The following AFAP1L2 variants were observed in gnomAD, a reference collection of about 807,000 sequenced individuals.
AFAP1L2 encodes the protein actin filament associated protein 1 like 2.
A neutral mutation model predicts 99.3 loss-of-function variants in AFAP1L2; 46 were observed. The ratio of observed to expected loss-of-function variants is 0.46; its 90% confidence interval spans 0.37 to 0.59. AFAP1L2 has a LOEUF of 0.59. AFAP1L2 is among the 20% of genes least tolerant of loss of function. The probability of loss-of-function intolerance (pLI) is 0.00; values close to 1 mark genes in which losing one functional copy is unlikely to be tolerated. For missense variants in AFAP1L2, 959 were observed against 1,034.9 expected (o/e 0.93, Z 1.01); for synonymous variants, 397 against 419.1 (o/e 0.95, Z 0.64).
At chr10:114,404,879 C>T, upstream of AFAP1L2, 1 of 173,156 alleles carries the variant, frequency 5.8e-6, no homozygotes, top group Non-Finnish European at 1.2e-5. Flanking sequence ...CACACCCCTG[C>T]CCGCTGCAAA....
intron 1 of AFAP1L2, among the ~76,000 whole-genome samples, chr10:114,379,212 C>CA (rs35288351): frequency 5.5e-4 from 79 of 143,138 alleles, no homozygotes; most frequent in Admixed American, 2.1e-3. Context: ...GACTCTGTCT[C>CA]AAAAAAAAAA....
intron 1 of AFAP1L2, among the ~76,000 whole-genome samples, chr10:114,375,900 CA>C (rs2054732431): frequency 6.6e-6 from 1 of 152,186 alleles, no homozygotes; most frequent in Non-Finnish European, 1.5e-5. Context: ...ATAGAGGCTG[CA>C]GTGAGCTATA....
chr10:114,299,493 G>A (rs1385383819), intron 15 of AFAP1L2, 78 bp from the exon 16 acceptor site: 97 of 1,560,914 alleles, frequency 6.2e-5, no homozygotes, highest in Admixed American at 2.4e-4. Context: ...CCCCAGGCTC[G>A]GATAGAACCT....
intron 7 of AFAP1L2, 47 bp from the exon 8 acceptor site, chr10:114,310,490 A>T (rs1342183566): frequency 6.4e-7 from 1 of 1,556,456 alleles, no homozygotes; most frequent in East Asian, 2.2e-5. Context: ...TCCTCTGGCC[A>T]GCACTCACAG....
At position 114,377,802 on chromosome 10, in the gene AFAP1L2, G is replaced by T. The variant is rs1177309031; in HGVS notation, c.16+26638C>A. Among the ~76,000 whole-genome samples the T allele has an allele frequency of 1.3e-5, 2 of 152,230 alleles. No individual in the cohort carries two copies. Among genetic ancestry groups the T allele is most frequent in the African/African-American group, 2.4e-5 (1 of 41,460 alleles). ...GAAGGAGGACCTGTTGGCCTGAGAG[G>T]CTTAAGGAGAGAGCATCACATAGTT... On this transcript the variant is annotated intron_variant, in intron 1 of 18. Transcript: ENST00000304129. This position sits in a 1 kb window ranked among gnomAD's most constrained non-coding sequence, Gnocchi z 4.0.
At chr10:114,290,249 A>G (rs11196686), downstream of AFAP1L2, 127,661 of 1,550,356 alleles carry the variant, frequency 0.082, 6,810 homozygotes, top group East Asian at 0.28. Flanking sequence ...GAAGCCAAGC[A>G]GCCAGTCAAC....
chr10:114,305,310 C>T (rs1160394102), intron 10 of AFAP1L2, among the ~76,000 whole-genome samples: 5 of 126,334 alleles, frequency 4.0e-5, no homozygotes, highest in Non-Finnish European at 8.2e-5. Context: ...CAGGAGGGGA[C>T]GGAGCTGCAG....
intron 5 of AFAP1L2, chr10:114,319,619 C>T (rs1296221720): frequency 1.4e-5 from 18 of 1,289,674 alleles, no homozygotes; most frequent in Non-Finnish European, 1.8e-5. Flanking sequence ...CTGGGGACTC[C>T]AGTGGGGAGA....
At chr10:114,324,369 G>A (rs868701005) in intron 4 of AFAP1L2, among the ~76,000 whole-genome samples, 2 of 148,414 alleles carry the variant, frequency 1.3e-5, no homozygotes, top group Admixed American at 1.4e-4. Flanking sequence ...ACAGTTTCCC[G>A]AGTAGTTGGG....
chr10:114,310,385 G>C lies in AFAP1L2; in HGVS notation c.851C>G (p.Thr284Ser), dbSNP rs376563286. ...GCAGTTAAAGCGCTGGGCATCCGGGGTGTACTGGTTTCCTTCAGATGCTCC... is the reference window on the plus strand; with the variant it reads ...GCAGTTAAAGCGCTGGGCATCCGGGCTGTACTGGTTTCCTTCAGATGCTCC... The part of the protein sequence containing the change: ...SEGASEGNQY[T>S]PDAQRFNCQK... The change falls in exon 8 of 19, where the codon ACC becomes AGC. Residue 284 changes from threonine (T) to serine (S), a missense_variant. Physicochemically the swap from Thr to Ser is moderately conservative, Grantham distance 58. This residue lies in a region of AFAP1L2 where 383 missense variants were observed against 472.8 expected (regional missense o/e 0.81). Transcript: ENST00000304129. The C allele has an allele frequency of 1.9e-6, 3 of 1,613,852 alleles. No individual in the cohort carries two copies. Among genetic ancestry groups the C allele is most frequent in the Non-Finnish European group, 1.7e-6 (2 of 1,179,940 alleles).
At chr10:114,361,125 C>T (rs897712433) in intron 1 of AFAP1L2, among the ~76,000 whole-genome samples, 13 of 152,128 alleles carry the variant, frequency 8.5e-5, no homozygotes, top group African/African-American at 2.2e-4. Context: ...CATCAAATCT[C>T]GTGAGACTTA....
Position 114,295,108 on chromosome 10 carries a change from C to A in AFAP1L2, c.*934G>T, listed in dbSNP as rs530643013. The A allele has an allele frequency of 2.3e-5, 23 of 984,334 alleles. No individual in the cohort carries two copies. In the African/African-American group the frequency reaches 3.9e-4, roughly 17 times the overall value. The allele number at this position is 984,334 out of a possible 1,614,324, so 61.0% of individuals were successfully genotyped here. On this transcript the variant is annotated 3_prime_UTR_variant, in exon 19 of 19. Transcript: ENST00000304129. ...ATTTTAAGAGGGCGATCACCCTAAC[C>A]AAAAATCACCACTTTGTTCTTGGAA...
chr10:114,284,813 C>T, the AFAP1L2 span: 2 of 1,534,146 alleles, frequency 1.3e-6, no homozygotes, highest in South Asian at 1.2e-5. Context: ...CAGTCCTCTC[C>T]ACTCCTCTGT....
intron 6 of AFAP1L2, 48 bp from the exon 7 acceptor site, chr10:114,314,098 G>A (rs375931315): frequency 1.9e-5 from 30 of 1,564,898 alleles, no homozygotes; most frequent in Admixed American, 3.4e-5. Flanking sequence ...GGTGCCGGGC[G>A]GAGGTGATGT....
chr10:114,312,249 G>C, intron 7 of AFAP1L2, among the ~76,000 whole-genome samples: 1 of 10,652 alleles, frequency 9.4e-5, no homozygotes, highest in East Asian at 7.7e-3. Context: ...GTGTGTGTGT[G>C]TGTGTGTGTG....
At chr10:114,333,154 C>G in intron 3 of AFAP1L2, 67 bp downstream of exon 3, 1 of 1,431,142 alleles carries the variant, frequency 7.0e-7, no homozygotes, top group Non-Finnish European at 9.8e-7. Context: ...TGGGACAGAA[C>G]CAGCTTGGAC....
intron 1 of AFAP1L2, among the ~76,000 whole-genome samples, chr10:114,387,408 C>A (rs1360211794): frequency 6.6e-6 from 1 of 152,132 alleles, no homozygotes; most frequent in Non-Finnish European, 1.5e-5. Context: ...TTCAGCTTCC[C>A]CTGCCCCACA....
intron 8 of AFAP1L2, 123 bp downstream of exon 8, chr10:114,310,231 A>T: frequency 9.7e-7 from 1 of 1,035,244 alleles, no homozygotes; most frequent in Non-Finnish European, 1.4e-6. Flanking sequence ...CCCGGCCTCA[A>T]GCATTGTATG....
chr10:114,291,689 CG>C (rs954504698), downstream of AFAP1L2, among the ~76,000 whole-genome samples: 1 of 152,206 alleles, frequency 6.6e-6, no homozygotes, highest in Non-Finnish European at 1.5e-5. Flanking sequence ...ATCCTTTGGA[CG>C]GCGAAGGCCA....
Sources: gnomAD v4.1 joint callset for allele counts (sites outside exome capture counted in the v4.1 genomes callset) on GRCh38, gnomAD v4.1.1 for gene constraint, gnomAD v4.1.1 regional missense constraint, Gnocchi (gnomAD v3.1) non-coding constraint, MANE v1.5 for transcripts, NCBI Gene and HGNC (gene_info 2026-07-23, HGNC 2026-07-21) for gene names.